The following ACOX3 variants were observed in gnomAD, a reference collection of about 807,000 sequenced individuals.
The protein encoded by ACOX3 is peroxisomal acyl-coenzyme A oxidase 3.
A neutral mutation model predicts 81.5 loss-of-function variants in ACOX3; 73 were observed. That is an observed-to-expected ratio of 0.90 (90% CI 0.74 to 1.09). The LOEUF (loss-of-function observed/expected upper bound fraction) is 1.09. Among genes scored for constraint, ACOX3 ranks in the 50% least tolerant of loss-of-function variants. The pLI, the probability that ACOX3 is intolerant of heterozygous loss-of-function variation, is 0.00. For synonymous variants in ACOX3, 387 were observed against 375.1 expected, an observed-to-expected ratio of 1.03 and a Z score of -0.37; for missense variants, 947 against 928.0, an observed-to-expected ratio of 1.02 and a Z score of -0.27.
rs1722687325 is a variant in ACOX3 at position 8,419,387 on chromosome 4, T to C, written c.-14-2852A>G. Reference sequence around the variant, plus strand: ...GAGGCAGAGATTGCAGTAGCCTAGATTGCGCCACTGCACTCCAGCCTGGGT... The same window carrying C: ...GAGGCAGAGATTGCAGTAGCCTAGACTGCGCCACTGCACTCCAGCCTGGGT... On this transcript the variant is annotated intron_variant, in intron 1 of 17. Coordinates refer to ENST00000356406, the MANE Select transcript of ACOX3 (RefSeq NM_003501.3). The surrounding 1 kb of genome is among the most constrained non-coding windows in gnomAD (Gnocchi z 4.2). 6.6e-6 allele frequency among the ~76,000 whole-genome samples: 1 copy of C among 151,706 alleles called. No homozygotes were observed. The highest frequency in any genetic ancestry group is 2.4e-5 in the African/African-American group (1 of 41,260).
rs186911820 is a variant in ACOX3 at position 8,424,694 on chromosome 4, G to A, written c.-14-8159C>T. Among the ~76,000 whole-genome samples the A allele has an allele frequency of 3.9e-5, 6 of 152,324 alleles. No individual in the cohort carries two copies. The South Asian group carries it at 8.3e-4, about 21-fold the overall frequency. ...GGGCCAGTGCTGCGACTGCGCACTCGTGCAACTCTTAATCCAGCCACATTT... is the reference window on the plus strand; with the variant it reads ...GGGCCAGTGCTGCGACTGCGCACTCATGCAACTCTTAATCCAGCCACATTT... On this transcript the variant is annotated intron_variant, in intron 1 of 17. Transcript: ENST00000356406.
intron 1 of ACOX3, among the ~76,000 whole-genome samples, chr4:8,420,696 C>A (rs1228364391): frequency 6.6e-6 from 1 of 152,192 alleles, no homozygotes; most frequent in Admixed American, 6.5e-5. Flanking sequence ...CAACTGCACA[C>A]TCTTCTGGTC....
At chr4:8,408,329 T>A (rs1364791058) in intron 6 of ACOX3, among the ~76,000 whole-genome samples, 1 of 150,362 alleles carries the variant, frequency 6.7e-6, no homozygotes, top group East Asian at 2.0e-4. Flanking sequence ...CCAGCTCAGG[T>A]CTGGGGCGCA....
chr4:8,382,541 C>T lies in ACOX3; in HGVS notation c.1538-934G>A, dbSNP rs2108828381. ...GGCCTGGCGCCCAGACACGAGGCAC[C>T]TCCAGGCTGCAGGGGCCTTCTGCCT... On this transcript the variant is annotated intron_variant, in intron 13 of 17. Transcript: ENST00000356406. This position sits in a 1 kb window ranked among gnomAD's most constrained non-coding sequence, Gnocchi z 4.1. Among the ~76,000 whole-genome samples, 1 of 152,336 alleles carries T rather than the reference C, an allele frequency of 6.6e-6. No homozygotes were observed. Among genetic ancestry groups the T allele is most frequent in the South Asian group, 2.1e-4 (1 of 4,824 alleles).
At chr4:8,373,653 G>A (rs1403816255) in intron 15 of ACOX3, 25 bp from the exon 16 acceptor site, 2 of 1,602,798 alleles carry the variant, frequency 1.2e-6, no homozygotes, top group Non-Finnish European at 1.7e-6. Flanking sequence ...TCGGTCACAT[G>A]GGGGCTGGGT....
intron 1 of ACOX3, among the ~76,000 whole-genome samples, chr4:8,427,414 G>A (rs961041315): frequency 6.6e-6 from 1 of 152,204 alleles, no homozygotes; most frequent in Non-Finnish European, 1.5e-5. Context: ...CACCACTGCT[G>A]ATGGCTGCTG....
Position 8,419,165 on chromosome 4 carries a change from G to C in ACOX3, c.-14-2630C>G, listed in dbSNP as rs1722658332. ...GAACCAGATAAATAGGCCAGGCGCA[G>C]TGGCTCATGCCTGTAATCCCAGCAC... On this transcript the variant is annotated intron_variant, in intron 1 of 17. Coordinates refer to ENST00000356406, the MANE Select transcript of ACOX3 (RefSeq NM_003501.3). This position sits in a 1 kb window ranked among gnomAD's most constrained non-coding sequence, Gnocchi z 4.2. Among the ~76,000 whole-genome samples, 1 of 152,178 alleles carries C rather than the reference G, an allele frequency of 6.6e-6. No homozygotes were observed. Among genetic ancestry groups the C allele is most frequent in the Non-Finnish European group, 1.5e-5 (1 of 68,038 alleles).
chr4:8,416,595 A>C lies in ACOX3; in HGVS notation c.-14-60T>G, dbSNP rs1249017798. 3 of 1,486,176 alleles carry C rather than the reference A, an allele frequency of 2.0e-6. No individual in the cohort carries two copies. The highest frequency in any genetic ancestry group is 1.4e-5 in the African/African-American group (1 of 70,696). 92.1% of individuals were successfully genotyped at this position (1,486,176 alleles called of 1,614,324 possible). A position where few individuals can be genotyped will look rare whatever the true frequency, so the allele number is the denominator to read the frequency against. The stretch of plus-strand genomic sequence containing the variant: ...CCATCTATGGGTTCAAACTACCCCC[A>C]CCAACAGGAGAGCCCGCAACACCTT... On this transcript the variant is annotated intron_variant, in intron 1 of 17. Coordinates refer to ENST00000356406, the MANE Select transcript of ACOX3 (RefSeq NM_003501.3). This position sits in a 1 kb window ranked among gnomAD's most constrained non-coding sequence, Gnocchi z 4.2.
rs949223286 is a variant in ACOX3, at chr4:8,386,620, C to G, written c.1537+2553G>C. Among the ~76,000 whole-genome samples, 5 of 151,430 alleles carry G rather than the reference C, an allele frequency of 3.3e-5. No individual in the cohort carries two copies. On this transcript the variant is annotated intron_variant, in intron 13 of 17. Coordinates refer to ENST00000356406, the MANE Select transcript of ACOX3 (RefSeq NM_003501.3). This position sits in a 1 kb window ranked among gnomAD's most constrained non-coding sequence, Gnocchi z 5.2. ...CAAACATCAGAAATAGGTCATCAAA[C>G]GTGTCCCCGTTTCCCACTGGCACCC...
intron 14 of ACOX3, among the ~76,000 whole-genome samples, chr4:8,380,588 T>A (rs1717516467): frequency 6.6e-6 from 1 of 152,170 alleles, no homozygotes; most frequent in African/African-American, 2.4e-5. Context: ...GGAGCTGGCC[T>A]GAGGGGCGGG....
At chr4:8,383,586 C>T (rs995496081) in intron 13 of ACOX3, among the ~76,000 whole-genome samples, 3 of 152,202 alleles carry the variant, frequency 2.0e-5, no homozygotes, top group South Asian at 2.1e-4. Flanking sequence ...GAGAGGGAGG[C>T]GGGTAGCCCT....
Position 8,366,903 on chromosome 4 carries a change from C to T in ACOX3, c.*58G>A. ...GTGTTCTGGAATCAGAAGTTGAGGT[C>T]CACGTCTGATTAGTTCCCTTCGTTT... On this transcript the variant is annotated 3_prime_UTR_variant, in exon 18 of 18. Transcript: ENST00000356406. The T allele has an allele frequency of 6.3e-7, 1 of 1,598,650 alleles. No homozygotes were observed. Among genetic ancestry groups the T allele is most frequent in the Non-Finnish European group, 8.6e-7 (1 of 1,169,030 alleles).
intron 1 of ACOX3, among the ~76,000 whole-genome samples, chr4:8,427,453 C>G (rs936891325): frequency 6.6e-6 from 1 of 152,222 alleles, no homozygotes; most frequent in Non-Finnish European, 1.5e-5. Flanking sequence ...CTTCCACCCC[C>G]CTCCAGATCC....
At chr4:8,418,342 C>G (rs1480542239) in intron 1 of ACOX3, among the ~76,000 whole-genome samples, 3 of 151,694 alleles carry the variant, frequency 2.0e-5, no homozygotes, top group Non-Finnish European at 4.4e-5. Context: ...GGCTGTAATC[C>G]CAGCTACTCA....
At chr4:8,413,370 C>G (rs1487721584) in intron 5 of ACOX3, among the ~76,000 whole-genome samples, 97 of 117,880 alleles carry the variant, frequency 8.2e-4, no homozygotes, top group African/African-American at 2.5e-3. Context: ...CCATCTCCCT[C>G]CACCCCTGTG....
At chr4:8,436,975 G>A (rs1357108209) in intron 1 of ACOX3, among the ~76,000 whole-genome samples, 3 of 126,730 alleles carry the variant, frequency 2.4e-5, no homozygotes, top group Admixed American at 8.7e-5. Flanking sequence ...CTTGGCAACA[G>A]AGCGAGACTC....
downstream of ACOX3, among the ~76,000 whole-genome samples, chr4:8,361,456 A>AAAAAC: frequency 6.7e-6 from 1 of 149,520 alleles, no homozygotes; most frequent in Non-Finnish European, 1.5e-5. Context: ...AAAAAAAAAA[A>AAAAAC]AGGATTGTTT....
At chr4:8,364,042 T>C (rs35021055), downstream of ACOX3, among the ~76,000 whole-genome samples, 8,284 of 152,256 alleles carry the variant, frequency 0.054, 284 homozygotes, top group African/African-American at 0.1. The surrounding 1 kb of genome is among the most constrained non-coding windows in gnomAD (Gnocchi z 5.0). Flanking sequence ...CTTTACTCTA[T>C]GGATTCACCC....
intron 14 of ACOX3, among the ~76,000 whole-genome samples, chr4:8,375,527 C>G (rs567179177): frequency 6.6e-6 from 1 of 152,302 alleles, no homozygotes; most frequent in African/African-American, 2.4e-5. Flanking sequence ...GGGCCCAGGA[C>G]CTGGCTTCTT....
Sources: gnomAD v4.1 joint callset for allele counts (sites outside exome capture counted in the v4.1 genomes callset) on GRCh38, gnomAD v4.1.1 for gene constraint, Gnocchi (gnomAD v3.1) non-coding constraint, MANE v1.5 for transcripts, NCBI Gene and HGNC (gene_info 2026-07-23, HGNC 2026-07-21) for gene names.